The following STEAP3 variants were observed in gnomAD, a reference collection of about 807,000 sequenced individuals.
The protein encoded by STEAP3 is STEAP3 metalloreductase.
A neutral mutation model predicts 34.9 loss-of-function variants in STEAP3; 35 were observed. That is an observed-to-expected ratio of 1.00 (90% confidence interval 0.76 to 1.33). STEAP3 has a LOEUF of 1.33. Among genes scored for constraint, STEAP3 ranks in the 40% most tolerant of loss-of-function variants. The probability of loss-of-function intolerance (pLI) is 0.00; values close to 1 mark genes in which losing one functional copy is unlikely to be tolerated. For synonymous variants in STEAP3, 281 were observed against 301.6 expected, an observed-to-expected ratio of 0.93 and a Z score of 0.71; for missense variants, 652 against 667.6, an observed-to-expected ratio of 0.98 and a Z score of 0.26.
intron 2 of STEAP3, among the ~76,000 whole-genome samples, chr2:119,234,995 C>T (rs531159885): frequency 1.3e-5 from 2 of 152,302 alleles, no homozygotes; most frequent in African/African-American, 4.8e-5. Context: ...GTGAGAGATT[C>T]CTGGATGGCA....
intron 2 of STEAP3, chr2:119,245,230 C>T (rs1236431158): frequency 3.8e-5 from 18 of 473,418 alleles, no homozygotes; most frequent in Non-Finnish European, 5.5e-5. Flanking sequence ...CAGTTTTTCC[C>T]GAGGAAATCA....
chr2:119,247,973 G>A lies in STEAP3; in HGVS notation c.817G>A (p.Ala273Thr), dbSNP rs746252829. Residue 273 changes from alanine (A) to threonine (T), a missense_variant, in exon 4 of 6, where the codon GCC becomes ACC. Coordinates refer to ENST00000393110, the MANE Select transcript of STEAP3 (RefSeq NM_182915.3). ...GGTCAACACCACACTGCCGTGCGTG[G>A]CCTACGTGCTGCTGTCACTCGTGTA... ...SVVNTTLPCV[A>T]YVLLSLVYLP... 6.2e-7 allele frequency: 1 copy of A among 1,613,020 alleles called. No homozygotes were observed. The highest frequency in any genetic ancestry group is 8.5e-7 in the Non-Finnish European group (1 of 1,179,980).
At chr2:119,254,559 A>T in intron 4 of STEAP3, 125 bp from the exon 5 acceptor site, 1 of 1,040,824 alleles carries the variant, frequency 9.6e-7, no homozygotes, top group Non-Finnish European at 1.5e-6. Context: ...CTTATCACAG[A>T]GCCAGGTAGC....
At chr2:119,262,741 A>G (rs74644220) in intron 5 of STEAP3, among the ~76,000 whole-genome samples, 3,164 of 152,288 alleles carry the variant, frequency 0.021, 94 homozygotes, top group African/African-American at 0.071. Context: ...GCCTCCAGAG[A>G]TAACAAATAA....
rs752933584 is a variant in STEAP3 at position 119,230,710 on chromosome 2, T to G, written c.-303T>G. ...AGAGACTTGAGTCTGAGCCACTAAT[T>G]ATCACCCGTGAGGTTTCCTCCCCGA... On this transcript the variant is annotated 5_prime_UTR_variant, in exon 2 of 6. The change creates a new upstream start codon in the 5' untranslated region. Transcript: ENST00000393110. 1.3e-4 allele frequency: 67 copies of G among 502,566 alleles called. No homozygotes were observed. Among genetic ancestry groups the G allele is most frequent in the Non-Finnish European group, 2.2e-4 (61 of 275,618 alleles). 31.1% of individuals were successfully genotyped at this position (502,566 alleles called of 1,614,324 possible). A position where few individuals can be genotyped will look rare whatever the true frequency, so the allele number is the denominator to read the frequency against.
chr2:119,263,586 G>T lies in STEAP3; in HGVS notation c.*248G>T. The T allele has an allele frequency of 1.7e-6, 1 of 584,398 alleles. No homozygotes were observed. The highest frequency in any genetic ancestry group is 3.0e-6 in the Non-Finnish European group (1 of 332,152). The allele number at this position is 584,398 out of a possible 1,614,324, so 36.2% of individuals were successfully genotyped here. A position where few individuals can be genotyped will look rare whatever the true frequency, so the allele number is the denominator to read the frequency against. On this transcript the variant is annotated 3_prime_UTR_variant, in exon 6 of 6. Coordinates refer to ENST00000393110, the MANE Select transcript of STEAP3 (RefSeq NM_182915.3). ...ATTATACATAGCTAGCTAAAAAGTT[G>T]GGTCTCTGAGATTTCAACTTGTAGA...
At chr2:119,244,217 TTTATTATTATTA>T (rs145661549) in intron 2 of STEAP3, among the ~76,000 whole-genome samples, 109,849 of 143,720 alleles carry the variant, frequency 0.76, 43,710 homozygotes, top group East Asian at 0.96. Flanking sequence ...TATTTTTACT[TTTATTATTATTA>T]TTATTATTAT....
At chr2:119,257,351 A>T in intron 5 of STEAP3, 1 of 1,339,290 alleles carries the variant, frequency 7.5e-7, no homozygotes. Context: ...GGAGAAACAG[A>T]GATAACCCAG....
intron 4 of STEAP3, among the ~76,000 whole-genome samples, chr2:119,253,947 A>C (rs1677699605): frequency 1.3e-5 from 2 of 152,230 alleles, no homozygotes; most frequent in African/African-American, 4.8e-5. Context: ...AATGGCCGTC[A>C]GTCTCTCTTG....
intron 2 of STEAP3, among the ~76,000 whole-genome samples, chr2:119,238,232 T>G (rs1558745553): frequency 1.3e-5 from 2 of 152,230 alleles, no homozygotes; most frequent in Non-Finnish European, 2.9e-5. Context: ...CAGGCTGTTC[T>G]CCACGGTGCC....
intron 1 of STEAP3, among the ~76,000 whole-genome samples, chr2:119,226,488 G>A (rs1184361780): frequency 2.0e-5 from 3 of 152,190 alleles, no homozygotes; most frequent in Non-Finnish European, 2.9e-5. Flanking sequence ...TTGGAAGGGT[G>A]TGTGCTTTTT....
chr2:119,233,988 AG>A lies in STEAP3; in HGVS notation c.22+2955del. Among the ~76,000 whole-genome samples, 4 of 152,324 alleles carry A rather than the reference AG, an allele frequency of 2.6e-5. No individual in the cohort carries two copies. In the South Asian group the frequency reaches 8.3e-4, roughly 32 times the overall value. ...ATTTCCAGTATCCCTGGGAATCCAA[AG>A]AAAGAGGCCACTGAGGGGCAGGGGA... On this transcript the variant is annotated intron_variant, in intron 2 of 5. Coordinates refer to ENST00000393110, the MANE Select transcript of STEAP3 (RefSeq NM_182915.3).
Position 119,257,640 on chromosome 2 carries a change from C to T in STEAP3, c.1215+2792C>T, listed in dbSNP as rs148975553. The T allele has an allele frequency of 3.1e-5, 46 of 1,469,570 alleles. No homozygotes were observed. The East Asian group carries it at 8.9e-4, about 28-fold the overall frequency. 91.0% of individuals were successfully genotyped at this position (1,469,570 alleles called of 1,614,324 possible). A position where few individuals can be genotyped will look rare whatever the true frequency, so the allele number is the denominator to read the frequency against. On this transcript the variant is annotated intron_variant, in intron 5 of 5. Transcript: ENST00000393110. The stretch of plus-strand genomic sequence containing the variant: ...TCATCAAGAGGATTTGAGCTGGACA[C>T]GTTAAATGCAGGATGCGTGCAGCCA...
At chr2:119,240,181 C>T (rs967538576) in intron 2 of STEAP3, among the ~76,000 whole-genome samples, 10 of 152,202 alleles carry the variant, frequency 6.6e-5, no homozygotes, top group East Asian at 1.9e-4. Flanking sequence ...TCCAGGCTGG[C>T]GACACAGCGA....
chr2:119,238,359 CAT>C (rs1292726466), intron 2 of STEAP3, among the ~76,000 whole-genome samples: 2 of 152,152 alleles, frequency 1.3e-5, no homozygotes, highest in African/African-American at 2.4e-5. Flanking sequence ...AGTGGTATCT[CAT>C]TGTGGTTTTC....
intron 5 of STEAP3, among the ~76,000 whole-genome samples, chr2:119,255,452 A>G (rs1384067987): frequency 6.6e-6 from 1 of 152,220 alleles, no homozygotes; most frequent in African/African-American, 2.4e-5. Context: ...AATTTGAGAA[A>G]AGATTTACTT....
chr2:119,231,017 C>T lies in STEAP3; in HGVS notation c.5C>T (p.Ser2Leu), dbSNP rs773468511. ...TCAGACCCTCACGTCAGCCGGATGT[C>T]GCACCAGCCTGCTGTTGGTAAGTCT... M[S>L]HQPAVATKMP... is the part of the protein sequence containing the mutation. The change falls in exon 2 of 6, where the codon TCG (serine) becomes TTG (leucine). Residue 2 changes from serine to leucine, a missense_variant. Physicochemically the swap from Ser to Leu is moderately radical, Grantham distance 145. Transcript: ENST00000393110. The T allele has an allele frequency of 4.3e-6, 7 of 1,614,106 alleles. No individual in the cohort carries two copies. The Admixed American group carries it at 6.7e-5, about 15-fold the overall frequency.
At chr2:119,234,449 C>T (rs1444362879) in intron 2 of STEAP3, among the ~76,000 whole-genome samples, 2 of 152,234 alleles carry the variant, frequency 1.3e-5, no homozygotes, top group South Asian at 2.1e-4. Context: ...AAGCCAGCTC[C>T]CTGGCCTCCC....
intron 4 of STEAP3, among the ~76,000 whole-genome samples, chr2:119,254,435 G>A (rs1029740462): frequency 6.6e-6 from 1 of 152,084 alleles, no homozygotes; most frequent in African/African-American, 2.4e-5. Flanking sequence ...ATGTGACCTT[G>A]GGAAAGTGAT....
Sources: allele counts gnomAD v4.1 joint callset (sites outside exome capture counted in the v4.1 genomes callset), GRCh38; gene constraint gnomAD v4.1.1; transcripts MANE v1.5; gene names NCBI Gene and HGNC (gene_info 2026-07-23, HGNC 2026-07-21).